Variants in RNF20 observed in about 807,000 individuals in gnomAD.
The protein encoded by RNF20 is E3 ubiquitin-protein ligase BRE1A.
In RNF20, 84 loss-of-function variants were observed where a neutral mutation model predicts 126.2. The ratio of observed to expected loss-of-function variants is 0.67; its 90% CI spans 0.56 to 0.80. The LOEUF is 0.80. RNF20 is among the 30% of genes least tolerant of loss of function. The pLI, the probability that RNF20 is intolerant of heterozygous loss-of-function variation, is 0.00. For synonymous variants in RNF20, 400 were observed against 414.3 expected, an observed-to-expected ratio of 0.97 and a Z score of 0.42; for missense variants, 869 against 1,188.2, an observed-to-expected ratio of 0.73 and a Z score of 3.95.
chr9:101,557,121 G>T (rs1250887011), intron 15 of RNF20, among the ~76,000 whole-genome samples: 2 of 152,176 alleles, frequency 1.3e-5, no homozygotes, highest in Non-Finnish European at 2.9e-5. Context: ...TGATCCGTTT[G>T]TCTAGATTAA....
At chr9:101,537,384 A>G (rs574787438) in intron 2 of RNF20, among the ~76,000 whole-genome samples, 8 of 152,238 alleles carry the variant, frequency 5.3e-5, no homozygotes, top group Admixed American at 3.3e-4. Context: ...AGAGGAGCAG[A>G]TTTTTGGGAG....
Position 101,540,494 on chromosome 9 carries a change from A to G in RNF20, c.302A>G (p.Asp101Gly), listed in dbSNP as rs764811733. ...ATTGTACCTACCCTTCTCCAGTTTG[A>G]TGAAAACATCCGTATCATCCTTAAA... is the stretch of plus-strand genomic sequence containing the variant. ...LIVNRYWSQF[D>G]ENIRIILKRY... is the part of the protein sequence containing the mutation. The change falls in exon 4 of 20, where the codon GAT (aspartate) becomes GGT (glycine). Residue 101 changes from aspartate (D) to glycine (G), a missense_variant. Around this residue, in one of 8 missense-constraint regions of RNF20, gnomAD observed 157 missense variants for 236.0 expected, o/e 0.67. Coordinates refer to ENST00000389120, the MANE Select transcript of RNF20 (RefSeq NM_019592.7). 3 of 1,613,616 alleles carry G rather than the reference A, an allele frequency of 1.9e-6. No homozygotes were observed. Among genetic ancestry groups the G allele is most frequent in the Non-Finnish European group, 2.5e-6 (3 of 1,179,828 alleles).
At chr9:101,551,348 CAT>C (rs1396015313) in intron 10 of RNF20, among the ~76,000 whole-genome samples, 2 of 152,060 alleles carry the variant, frequency 1.3e-5, no homozygotes, top group Non-Finnish European at 2.9e-5. Flanking sequence ...AACTTTTATT[CAT>C]ATGTTCATTT....
At chr9:101,546,207 A>G (rs1827345541) in intron 6 of RNF20, among the ~76,000 whole-genome samples, 1 of 152,206 alleles carries the variant, frequency 6.6e-6, no homozygotes, top group Admixed American at 6.5e-5. Context: ...AAGGGTATAT[A>G]TAGATTAATG....
chr9:101,543,627 C>A (rs993221911), intron 5 of RNF20, among the ~76,000 whole-genome samples: 5 of 152,264 alleles, frequency 3.3e-5, no homozygotes, highest in Admixed American at 3.3e-4. Context: ...TCTAACCTGC[C>A]AGGGCAGTAC....
Position 101,547,485 on chromosome 9 carries a change from T to C in RNF20, c.1059T>C (p.Phe353=). The C allele has an allele frequency of 6.2e-7, 1 of 1,614,154 alleles. No homozygotes were observed. The highest frequency in any genetic ancestry group is 8.5e-7 in the Non-Finnish European group (1 of 1,180,002). ...LCELEKLRQD[F]EEVTTQNEKL... The stretch of plus-strand genomic sequence containing the variant: ...AGCTGGAGAAACTTCGGCAAGACTT[T>C]GAGGAGGTCACTACACAAAATGAAA... Residue 353 remains phenylalanine, a synonymous_variant, in exon 9 of 20, where the codon TTT becomes TTC. Coordinates refer to ENST00000389120, the MANE Select transcript of RNF20 (RefSeq NM_019592.7).
intron 15 of RNF20, among the ~76,000 whole-genome samples, chr9:101,555,684 G>A (rs565344435): frequency 1.3e-4 from 19 of 151,992 alleles, no homozygotes; most frequent in Non-Finnish European, 2.5e-4. Flanking sequence ...GGGCGCGGTG[G>A]CTCATGCCTG....
At chr9:101,560,165 T>G (rs1406321475) in intron 16 of RNF20, among the ~76,000 whole-genome samples, 1 of 152,210 alleles carries the variant, frequency 6.6e-6, no homozygotes, top group Non-Finnish European at 1.5e-5. Context: ...GATCATGTGA[T>G]TTTTTAAAAA....
chr9:101,534,034 T>C (rs1204871631), intron 1 of RNF20, 120 bp downstream of exon 1: 1 of 152,284 alleles, frequency 6.6e-6, no homozygotes, highest in Admixed American at 6.5e-5. Context: ...CTCTCCAGTT[T>C]TGGGGCCGTC....
intron 2 of RNF20, 145 bp from the exon 3 acceptor site, chr9:101,540,058 A>G: frequency 1.4e-6 from 1 of 729,458 alleles, no homozygotes; most frequent in Non-Finnish European, 2.2e-6. Context: ...TTCTGCTTCT[A>G]CTTCTTAATT....
chr9:101,560,291 G>T (rs1827604615), intron 16 of RNF20, among the ~76,000 whole-genome samples: 1 of 152,036 alleles, frequency 6.6e-6, no homozygotes, highest in African/African-American at 2.4e-5. Context: ...GCTTTTTGAA[G>T]GCAGTGTGAG....
chr9:101,535,555 A>G lies in RNF20; in HGVS notation c.129+3A>G. 2 of 1,605,962 alleles carry G rather than the reference A, an allele frequency of 1.2e-6. No individual in the cohort carries two copies. Among genetic ancestry groups the G allele is most frequent in the East Asian group, 2.2e-5 (1 of 44,490 alleles). On this transcript the variant is annotated splice_donor_region_variant and intron_variant, in intron 2 of 19. Transcript: ENST00000389120. ...AGCTAGGAGGTGTCTCTTCAACGGT[A>G]TGAGGAAACAGTGCCATGAAAGTGT... is the stretch of plus-strand genomic sequence containing the variant.
In RNF20 at chr9:101,544,862, A is replaced by C. The variant is rs1193418941; in HGVS notation, c.724A>C (p.Lys242Gln). 6.2e-7 allele frequency: 1 copy of C among 1,612,646 alleles called. No homozygotes were observed. Among genetic ancestry groups the C allele is most frequent in the Admixed American group, 1.7e-5 (1 of 60,022 alleles). ...GGAATTGACAGATCTTCTTCAGGAA[A>C]AGCATCGCACCATGTCTCAGGAGGT... is the stretch of plus-strand genomic sequence containing the variant. Reference protein sequence around the residue: ...LQELTDLLQEKHRTMSQEFSK... With the variant: ...LQELTDLLQEQHRTMSQEFSK... The change falls in exon 6 of 20, where the codon AAG (lysine) becomes CAG (glutamine). Residue 242 changes from lysine to glutamine, a missense_variant. By Grantham distance (53) the Lys-to-Gln change is moderately conservative. Transcript: ENST00000389120.
At chr9:101,552,033 G>T in intron 11 of RNF20, 108 bp from the exon 12 acceptor site, 2 of 1,429,752 alleles carry the variant, frequency 1.4e-6, no homozygotes, top group Non-Finnish European at 1.9e-6. Flanking sequence ...TCTTTTATTT[G>T]GTAATTCTCC....
rs1827553073 is a variant in RNF20, at chr9:101,557,514, G to A, written c.2300G>A (p.Arg767His). Reference sequence around the variant, plus strand: ...GCAAATTTCAAGCTCATGTCAGAGCGTATCAAGTCCAATCAGATCCATAAG... The same window carrying A: ...GCAAATTTCAAGCTCATGTCAGAGCATATCAAGTCCAATCAGATCCATAAG... ...DDANFKLMSE[R>H]IKSNQIHKLL... Residue 767 changes from arginine (R) to histidine (H), a missense_variant, in exon 16 of 20, where the codon CGT becomes CAT. Arg to His is a conservative substitution (Grantham distance 29). Coordinates refer to ENST00000389120, the MANE Select transcript of RNF20 (RefSeq NM_019592.7). The A allele has an allele frequency of 2.5e-6, 4 of 1,613,862 alleles. No homozygotes were observed. Among genetic ancestry groups the A allele is most frequent in the African/African-American group, 1.3e-5 (1 of 74,900 alleles).
chr9:101,543,827 G>A (rs1053730054), intron 5 of RNF20, among the ~76,000 whole-genome samples: 1 of 152,198 alleles, frequency 6.6e-6, no homozygotes, highest in African/African-American at 2.4e-5. Context: ...AGTTTTCTGA[G>A]CATATTCTTA....
intron 13 of RNF20, among the ~76,000 whole-genome samples, chr9:101,553,387 G>C (rs1000044108): frequency 6.6e-6 from 1 of 152,156 alleles, no homozygotes; most frequent in Non-Finnish European, 1.5e-5. Context: ...TTGGACTTGA[G>C]AGACCACTGT....
rs1226284702 is a variant in RNF20 at position 101,557,389 on chromosome 9, A to T, written c.2175A>T (p.Glu725Asp). The T allele has an allele frequency of 1.2e-6, 2 of 1,611,630 alleles. No individual in the cohort carries two copies. Among genetic ancestry groups the T allele is most frequent in the Non-Finnish European group, 1.7e-6 (2 of 1,177,872 alleles). ...QKKLAMAKQE[E>D]EALLSEMDVT... ...TCTCTTCCTTCATCCTTTAGGAAGA[A>T]GAAGCACTCCTCTCTGAAATGGATG... Residue 725 changes from glutamate (E) to aspartate (D), a missense_variant, in exon 16 of 20, where the codon GAA (glutamate) becomes GAT (aspartate). Physicochemically the swap from Glu to Asp is conservative, Grantham distance 45. This residue lies in a region of RNF20 where 30 missense variants were observed against 75.2 expected (regional missense o/e 0.40). Coordinates refer to ENST00000389120, the MANE Select transcript of RNF20 (RefSeq NM_019592.7).
Position 101,551,731 on chromosome 9 carries a change from G to T in RNF20, c.1320G>T (p.Gln440His). Residue 440 changes from glutamine to histidine, a missense_variant, in exon 11 of 20, where the codon CAG becomes CAT. Around this residue, in one of 8 missense-constraint regions of RNF20, gnomAD observed 153 missense variants for 226.4 expected, o/e 0.68. Coordinates refer to ENST00000389120, the MANE Select transcript of RNF20 (RefSeq NM_019592.7). ...LHKKLRTEVI[Q>H]LEDTLAQVRK... ...AGAAGCTGAGGACTGAAGTAATTCA[G>T]CTAGAAGATACATTGGCCCAGGTCC... 1 of 1,603,054 alleles carries T rather than the reference G, an allele frequency of 6.2e-7. No individual in the cohort carries two copies. Among genetic ancestry groups the T allele is most frequent in the South Asian group, 1.1e-5 (1 of 89,958 alleles).
Sources: gnomAD v4.1 joint callset for allele counts (sites outside exome capture counted in the v4.1 genomes callset) on GRCh38, gnomAD v4.1.1 for gene constraint, gnomAD v4.1.1 regional missense constraint, MANE v1.5 for transcripts, NCBI Gene and HGNC (gene_info 2026-07-23, HGNC 2026-07-21) for gene names.